The following XYLT1 variants were observed in gnomAD, a reference collection of about 807,000 sequenced individuals.
XYLT1 encodes beta-D-xylosyltransferase 1.
A neutral mutation model predicts 91.3 loss-of-function variants in XYLT1; 36 were observed. The observed-to-expected ratio is 0.39, with a 90% CI of 0.30 to 0.52. The LOEUF (loss-of-function observed/expected upper bound fraction) is 0.52. Ranked by LOEUF, XYLT1 falls within the 20% of genes least tolerant of loss-of-function variation. XYLT1 has a pLI of 0.68. For synonymous variants in XYLT1, 588 were observed against 532.0 expected (o/e 1.11, Z -1.45); for missense variants, 1,242 against 1,284.5 (o/e 0.97, Z 0.51).
chr16:17,219,416 A>G (rs2141607362), intron 3 of XYLT1, among the ~76,000 whole-genome samples: 1 of 152,298 alleles, frequency 6.6e-6, no homozygotes, highest in African/African-American at 2.4e-5. Context: ...TAAATGTGAA[A>G]TGAATGAACG....
Position 17,127,714 on chromosome 16 carries a change from G to T in XYLT1, c.2175C>A (p.Phe725Leu). 1 of 1,614,172 alleles carries T rather than the reference G, an allele frequency of 6.2e-7. No individual in the cohort carries two copies. Among genetic ancestry groups the T allele is most frequent in the South Asian group, 1.1e-5 (1 of 91,084 alleles). Reference sequence around the variant, plus strand: ...AGTCACTGGGTGGGCTTGCGATCTTGAAGACTTTTTTCGGCATCACCCAGG... The same window carrying T: ...AGTCACTGGGTGGGCTTGCGATCTTTAAGACTTTTTTCGGCATCACCCAGG... ...LETWVMPKKV[F>L]KIASPPSDFG... The change falls in exon 10 of 12, where the codon TTC (phenylalanine) becomes TTA (leucine). Residue 725 changes from phenylalanine (F) to leucine (L), a missense_variant. Transcript: ENST00000261381.
intron 3 of XYLT1, among the ~76,000 whole-genome samples, chr16:17,244,329 G>A (rs778499947): frequency 3.3e-5 from 5 of 152,118 alleles, no homozygotes; most frequent in Admixed American, 1.3e-4. Flanking sequence ...CCTTGACCAC[G>A]CAAGAAAATT....
rs1303152569 is a variant in XYLT1, at chr16:17,127,873, GGC to G, written c.2028-14_2028-13del. 6.2e-7 allele frequency: 1 copy of G among 1,611,224 alleles called. No homozygotes were observed. Among genetic ancestry groups the G allele is most frequent in the East Asian group, 2.2e-5 (1 of 44,856 alleles). ...CCATTGGGTAGTATCTGAAAACACA[GGC>G]GCTCATGCATTAGGGCCCAAGGTGT... On this transcript the variant is annotated splice_polypyrimidine_tract_variant and intron_variant, in intron 9 of 11. Transcript: ENST00000261381.
Position 17,430,368 on chromosome 16 carries a change from A to T in XYLT1, c.363+40066T>A, listed in dbSNP as rs117241547. 9.6e-3 allele frequency among the ~76,000 whole-genome samples: 1,468 copies of T among 152,318 alleles called. 10 individuals carry two copies. The highest frequency in any genetic ancestry group is 0.016 in the Non-Finnish European group (1,062 of 68,028). On this transcript the variant is annotated intron_variant, in intron 1 of 11. Coordinates refer to ENST00000261381, the MANE Select transcript of XYLT1 (RefSeq NM_022166.4). The stretch of plus-strand genomic sequence containing the variant: ...GGTGCTCAACCAGTAAGTATAACAC[A>T]AAATATCCCAAATCTGAAAAGATCC...
intron 9 of XYLT1, among the ~76,000 whole-genome samples, chr16:17,131,331 C>CAATCACAAT (rs2030465396): frequency 1.3e-5 from 2 of 152,204 alleles, no homozygotes; most frequent in Non-Finnish European, 2.9e-5. Context: ...TGCCGCACAA[C>CAATCACAAT]CAATCATCAT....
chr16:17,262,530 G>T (rs1314931661), intron 2 of XYLT1, among the ~76,000 whole-genome samples: 2 of 152,170 alleles, frequency 1.3e-5, no homozygotes, highest in Non-Finnish European at 2.9e-5. Flanking sequence ...GAGCTGATGG[G>T]GCAGGGGTGG....
rs371919009 is a variant in XYLT1 at position 17,332,168 on chromosome 16, G to A, written c.402+25844C>T. Among the ~76,000 whole-genome samples the A allele has an allele frequency of 1.9e-3, 282 of 152,338 alleles. 2 individuals are homozygous for A. The highest frequency in any genetic ancestry group is 6.3e-3 in the African/African-American group (264 of 41,580). On this transcript the variant is annotated intron_variant, in intron 2 of 11. Coordinates refer to ENST00000261381, the MANE Select transcript of XYLT1 (RefSeq NM_022166.4). ...CCTGCTTCCCTGGGGCTGACTGTAC[G>A]TGACACATAAACTGCTGTCCATCTG...
chr16:17,460,020 A>G (rs1458751307), intron 1 of XYLT1, among the ~76,000 whole-genome samples: 1 of 152,192 alleles, frequency 6.6e-6, no homozygotes, highest in Non-Finnish European at 1.5e-5. Context: ...GCTTCAAAGC[A>G]CTTTCTCATC....
intron 5 of XYLT1, among the ~76,000 whole-genome samples, chr16:17,172,466 C>CTTTTTTTTTTTT (rs1157952692): frequency 9.7e-6 from 1 of 102,636 alleles, no homozygotes. Flanking sequence ...GCGTTCATTT[C>CTTTTTTTTTTTT]TTTTTTTTTT....
intron 3 of XYLT1, among the ~76,000 whole-genome samples, chr16:17,258,182 G>T (rs933569243): frequency 6.7e-6 from 1 of 149,004 alleles, no homozygotes; most frequent in African/African-American, 2.5e-5. Flanking sequence ...AGGAAGTAAA[G>T]AATGAAGGAA....
At chr16:17,212,153 C>T (rs892316058) in intron 3 of XYLT1, among the ~76,000 whole-genome samples, 2 of 152,132 alleles carry the variant, frequency 1.3e-5, no homozygotes, top group African/African-American at 4.8e-5. Context: ...CAGCCCCAAC[C>T]CCAAACCTTC....
intron 5 of XYLT1, among the ~76,000 whole-genome samples, chr16:17,172,067 G>A (rs1420078693): frequency 6.6e-6 from 1 of 152,128 alleles, no homozygotes; most frequent in African/African-American, 2.4e-5. Context: ...GTTGTTTTGG[G>A]GTTAGAAGGA....
At chr16:17,278,166 G>T (rs1011650141) in intron 2 of XYLT1, among the ~76,000 whole-genome samples, 1 of 152,130 alleles carries the variant, frequency 6.6e-6, no homozygotes, top group African/African-American at 2.4e-5. Context: ...CCAGCCAGCC[G>T]TGCCCAGACT....
chr16:17,239,160 C>T (rs2033296164), intron 3 of XYLT1, among the ~76,000 whole-genome samples: 1 of 152,230 alleles, frequency 6.6e-6, no homozygotes, highest in Non-Finnish European at 1.5e-5. Context: ...CAAAGGCATG[C>T]TTACTGGACT....
At chr16:17,204,023 C>T (rs2032593078) in intron 3 of XYLT1, among the ~76,000 whole-genome samples, 1 of 152,216 alleles carries the variant, frequency 6.6e-6, no homozygotes, top group Non-Finnish European at 1.5e-5. Context: ...GCGTTATCAT[C>T]CTCTGAGGCT....
intron 1 of XYLT1, among the ~76,000 whole-genome samples, chr16:17,465,853 T>C (rs1308993929): frequency 6.6e-6 from 1 of 152,190 alleles, no homozygotes; most frequent in Admixed American, 6.5e-5. Flanking sequence ...AGTTCACATA[T>C]ATTGCTACAT....
At chr16:17,182,673 A>G (rs548715646) in intron 5 of XYLT1, among the ~76,000 whole-genome samples, 3 of 127,394 alleles carry the variant, frequency 2.4e-5, no homozygotes, top group Non-Finnish European at 3.2e-5. Flanking sequence ...TTTGCTTTGA[A>G]ACAATTAGGC....
intron 1 of XYLT1, among the ~76,000 whole-genome samples, chr16:17,399,111 C>T (rs2035930906): frequency 6.6e-6 from 1 of 152,098 alleles, no homozygotes; most frequent in Non-Finnish European, 1.5e-5. Context: ...CTGCAATGAC[C>T]GTCTTTCCAA....
In XYLT1 at chr16:17,229,026, G is replaced by C. The variant is rs1410493547; in HGVS notation, c.914-28372C>G. Reference sequence around the variant, plus strand: ...ACTCTTTTGCCCAGGCTGGAGTGCAGTGGCACAATCTCGGCTCACTGCAGC... The same window carrying C: ...ACTCTTTTGCCCAGGCTGGAGTGCACTGGCACAATCTCGGCTCACTGCAGC... On this transcript the variant is annotated intron_variant, in intron 3 of 11. Coordinates refer to ENST00000261381, the MANE Select transcript of XYLT1 (RefSeq NM_022166.4). Among the ~76,000 whole-genome samples the C allele has an allele frequency of 3.3e-5, 5 of 152,120 alleles. No individual in the cohort carries two copies. The East Asian group carries it at 9.6e-4, about 29-fold the overall frequency.
Sources: gnomAD v4.1 joint callset for allele counts (sites outside exome capture counted in the v4.1 genomes callset) on GRCh38, gnomAD v4.1.1 for gene constraint, MANE v1.5 for transcripts, NCBI Gene and HGNC (gene_info 2026-07-23, HGNC 2026-07-21) for gene names.